Variants in MEIS1 observed in about 807,000 individuals in gnomAD.
MEIS1 encodes Meis homeobox 1.
Under a neutral mutation model 50.8 loss-of-function variants are expected in MEIS1, and 5 were observed. That is an observed-to-expected ratio of 0.10 (90% CI 0.05 to 0.21). MEIS1 has a LOEUF of 0.21. MEIS1 is among the 10% of genes least tolerant of loss of function. The pLI is 1.00. For synonymous variants in MEIS1, 176 were observed against 179.3 expected (o/e 0.98, Z 0.15); for missense variants, 318 against 517.3 (o/e 0.61, Z 3.74).
chr2:66,560,690 C>A (rs1675191925), intron 9 of MEIS1, among the ~76,000 whole-genome samples: 1 of 152,066 alleles, frequency 6.6e-6, no homozygotes, highest in African/African-American at 2.4e-5. Context: ...GCAAATACCC[C>A]CAACACTGTT....
At chr2:66,533,184 G>T (rs1674435658) in intron 8 of MEIS1, among the ~76,000 whole-genome samples, 1 of 152,086 alleles carries the variant, frequency 6.6e-6, no homozygotes, top group Admixed American at 6.6e-5. Flanking sequence ...GCCAAATGTG[G>T]TGCTCGTCCC....
chr2:66,497,877 C>A (rs1673447162), intron 7 of MEIS1, among the ~76,000 whole-genome samples: 1 of 152,142 alleles, frequency 6.6e-6, no homozygotes, highest in African/African-American at 2.4e-5. Flanking sequence ...CCTCATCCAC[C>A]AATTGGCTGC....
At chr2:66,471,171 T>C (rs2103760588) in intron 7 of MEIS1, among the ~76,000 whole-genome samples, 1 of 152,276 alleles carries the variant, frequency 6.6e-6, no homozygotes, top group East Asian at 1.9e-4. Context: ...TCCATCCTCA[T>C]GTGATTGGGT....
chr2:66,524,596 A>G (rs1180160608), intron 8 of MEIS1, among the ~76,000 whole-genome samples: 1 of 152,152 alleles, frequency 6.6e-6, no homozygotes, highest in Non-Finnish European at 1.5e-5. Flanking sequence ...AAATTAAAAA[A>G]AAAGGTGATA....
Position 66,573,203 on chromosome 2 carries a change from T to A in MEIS1, c.*1995T>A, listed in dbSNP as rs1159901476. On this transcript the variant is annotated 3_prime_UTR_variant, in exon 13 of 13. Coordinates refer to ENST00000272369, the MANE Select transcript of MEIS1 (RefSeq NM_002398.3). ...CTATGTTCTCATTGGATAAAACTGG[T>A]TATTAACCAATTTTCCAGAACAGCT... 1 of 152,162 alleles carries A rather than the reference T, an allele frequency of 6.6e-6. No homozygotes were observed. Among genetic ancestry groups the A allele is most frequent in the Non-Finnish European group, 1.5e-5 (1 of 68,030 alleles). The allele number at this position is 152,162 out of a possible 1,614,324, so 9.4% of individuals were successfully genotyped here. A position where few individuals can be genotyped will look rare whatever the true frequency, so the allele number is the denominator to read the frequency against.
At chr2:66,537,482 G>A (rs1008475313) in intron 8 of MEIS1, among the ~76,000 whole-genome samples, 1 of 152,128 alleles carries the variant, frequency 6.6e-6, no homozygotes, top group African/African-American at 2.4e-5. Context: ...TAGAGAATGG[G>A]TACCAGTTCC....
At chr2:66,483,366 G>A (rs574225160) in intron 7 of MEIS1, among the ~76,000 whole-genome samples, 11 of 151,926 alleles carry the variant, frequency 7.2e-5, no homozygotes, top group African/African-American at 1.7e-4. Context: ...GAGCCACCGC[G>A]CCCGGCTGGA....
At chr2:66,514,544 C>A (rs1673914750) in intron 8 of MEIS1, among the ~76,000 whole-genome samples, 1 of 152,122 alleles carries the variant, frequency 6.6e-6, no homozygotes, top group South Asian at 2.1e-4. Context: ...AAGGGGAAGC[C>A]CATTCATCCA....
At chr2:66,486,798 T>C (rs1673154361) in intron 7 of MEIS1, among the ~76,000 whole-genome samples, 1 of 152,230 alleles carries the variant, frequency 6.6e-6, no homozygotes, top group Non-Finnish European at 1.5e-5. Flanking sequence ...GTAGTTCTCC[T>C]TGAAGAGGTC....
chr2:66,467,996 TG>T (rs1380114224), intron 7 of MEIS1, among the ~76,000 whole-genome samples: 7 of 152,206 alleles, frequency 4.6e-5, no homozygotes, highest in Non-Finnish European at 7.3e-5. Flanking sequence ...GGCAATTACT[TG>T]CTTTATTTTC....
intron 8 of MEIS1, among the ~76,000 whole-genome samples, chr2:66,541,320 A>G (rs1674647549): frequency 6.6e-6 from 1 of 152,176 alleles, no homozygotes; most frequent in Non-Finnish European, 1.5e-5. Context: ...TACAGGTGTG[A>G]GCCACCGCAC....
At chr2:66,460,739 TTTGTTGTTGTTG>T (rs533926214) in intron 6 of MEIS1, among the ~76,000 whole-genome samples, 6 of 151,732 alleles carry the variant, frequency 4.0e-5, no homozygotes, top group Admixed American at 3.3e-4. Context: ...CAACAACTTC[TTTGTTGTTGTTG>T]TTGTTGTTGT....
chr2:66,557,586 T>C (rs985811064), intron 9 of MEIS1, among the ~76,000 whole-genome samples: 9 of 152,242 alleles, frequency 5.9e-5, no homozygotes, highest in African/African-American at 2.2e-4. Context: ...GCAAGGTTCA[T>C]CCATGTCATA....
rs189306611 is a variant in MEIS1 at position 66,539,885 on chromosome 2, G to A, written c.889-8058G>A. On this transcript the variant is annotated intron_variant, in intron 8 of 12. Transcript: ENST00000272369. The stretch of plus-strand genomic sequence containing the variant: ...AGCAGTGGATATTCAGGTAGGAGTG[G>A]AGGAGCAGGGAAATGGCAACTCTTT... Among the ~76,000 whole-genome samples the A allele has an allele frequency of 2.6e-3, 397 of 152,294 alleles. 2 individuals carry two copies. The highest frequency in any genetic ancestry group is 3.7e-3 in the Non-Finnish European group (249 of 68,024).
rs1386348420 is a variant in MEIS1, at chr2:66,572,023, TCC to T, written c.*816_*817del. The T allele has an allele frequency of 6.3e-6, 1 of 159,490 alleles. No homozygotes were observed. The highest frequency in any genetic ancestry group is 2.4e-5 in the African/African-American group (1 of 41,512). 9.9% of individuals were successfully genotyped at this position (159,490 alleles called of 1,614,324 possible). ...GCGCTCTCTCTCTTTCTCTCTCTTT[TCC>T]TCTCTCTCCCTCTTTCTAGCCTGGG... is the stretch of plus-strand genomic sequence containing the variant. On this transcript the variant is annotated 3_prime_UTR_variant, in exon 13 of 13. Transcript: ENST00000272369.
Position 66,435,468 on chromosome 2 carries a change from C to A in MEIS1, c.-389C>A. 3.0e-6 allele frequency: 1 copy of A among 334,946 alleles called. No individual in the cohort carries two copies. The highest frequency in any genetic ancestry group is 5.3e-6 in the Non-Finnish European group (1 of 188,738). 20.7% of individuals were successfully genotyped at this position (334,946 alleles called of 1,614,324 possible). On this transcript the variant is annotated 5_prime_UTR_variant, in exon 1 of 13. The change creates a new upstream start codon in the 5' untranslated region. Coordinates refer to ENST00000272369, the MANE Select transcript of MEIS1 (RefSeq NM_002398.3). ...TCATTCACCACGTTGACAACCTCGC[C>A]TGTGATTGACAGCTGGAGTGGCAGA...
At chr2:66,489,912 ATTTTATC>A (rs1673233198) in intron 7 of MEIS1, among the ~76,000 whole-genome samples, 1 of 152,180 alleles carries the variant, frequency 6.6e-6, no homozygotes, top group South Asian at 2.1e-4. Flanking sequence ...ATTTGATTCA[ATTTTATC>A]TATTTTTCAC....
At chr2:66,469,288 A>G (rs1052009912) in intron 7 of MEIS1, among the ~76,000 whole-genome samples, 2 of 151,998 alleles carry the variant, frequency 1.3e-5, no homozygotes, top group African/African-American at 2.4e-5. Context: ...CAATAGTTGC[A>G]GTGCCTCCCA....
At chr2:66,446,763 G>A (rs943891959) in intron 6 of MEIS1, among the ~76,000 whole-genome samples, 1 of 152,198 alleles carries the variant, frequency 6.6e-6, no homozygotes, top group African/African-American at 2.4e-5. Flanking sequence ...AATGCCAAGT[G>A]CTGCCGAGCT....
Sources: allele counts gnomAD v4.1 joint callset (sites outside exome capture counted in the v4.1 genomes callset), GRCh38; gene constraint gnomAD v4.1.1; transcripts MANE v1.5; gene names NCBI Gene and HGNC (gene_info 2026-07-23, HGNC 2026-07-21).